Variants in DIAPH3 observed in about 807,000 individuals in gnomAD.
The protein encoded by DIAPH3 is protein diaphanous homolog 3.
A neutral mutation model predicts 144.3 loss-of-function variants in DIAPH3; 117 were observed. The ratio of observed to expected loss-of-function variants is 0.81; its 90% CI spans 0.70 to 0.95. The LOEUF (loss-of-function observed/expected upper bound fraction) is 0.95. DIAPH3 is among the 40% of genes least tolerant of loss of function. The probability of loss-of-function intolerance (pLI) is 0.00; values close to 1 mark genes in which losing one functional copy is unlikely to be tolerated. For synonymous variants in DIAPH3, 519 were observed against 488.9 expected (o/e 1.06, Z -0.81); for missense variants, 1,421 against 1,412.7 (o/e 1.01, Z -0.09).
intron 9 of DIAPH3, among the ~76,000 whole-genome samples, chr13:60,007,658 T>C (rs2140930811): frequency 6.6e-6 from 1 of 152,260 alleles, no homozygotes; most frequent in South Asian, 2.1e-4. Flanking sequence ...AATCAGGTAT[T>C]AGTATTTTTT....
At chr13:59,944,487 T>C (rs541924896) in intron 17 of DIAPH3, among the ~76,000 whole-genome samples, 1 of 152,200 alleles carries the variant, frequency 6.6e-6, no homozygotes, top group South Asian at 2.1e-4. Context: ...GACTAAAATA[T>C]AGATGAATCC....
intron 21 of DIAPH3, among the ~76,000 whole-genome samples, chr13:59,876,645 G>C (rs1009369871): frequency 1.3e-5 from 2 of 152,078 alleles, no homozygotes; most frequent in African/African-American, 2.4e-5. Context: ...ACTGCAGTAG[G>C]CTATCCTACC....
At chr13:60,069,644 G>T (rs1489702913) in intron 4 of DIAPH3, among the ~76,000 whole-genome samples, 3 of 152,038 alleles carry the variant, frequency 2.0e-5, no homozygotes, top group Non-Finnish European at 4.4e-5. Context: ...ATCTTGAGTT[G>T]ATTTTTGTAT....
intron 17 of DIAPH3, among the ~76,000 whole-genome samples, chr13:59,966,603 G>A (rs1480150492): frequency 6.6e-6 from 1 of 152,084 alleles, no homozygotes; most frequent in Non-Finnish European, 1.5e-5. Context: ...AAAACCTAAA[G>A]TAGTGTCTAC....
chr13:59,769,395 TTCATTAC>T (rs2038010870), intron 27 of DIAPH3, among the ~76,000 whole-genome samples: 1 of 152,152 alleles, frequency 6.6e-6, no homozygotes, highest in South Asian at 2.1e-4. Context: ...TCTCCTTCAC[TTCATTAC>T]TCACCTGACT....
At chr13:60,126,011 T>C (rs1310458612) in intron 2 of DIAPH3, among the ~76,000 whole-genome samples, 1 of 152,198 alleles carries the variant, frequency 6.6e-6, no homozygotes, top group Non-Finnish European at 1.5e-5. Context: ...GCTTCTAGAA[T>C]AGATGAGACA....
chr13:59,938,801 A>T (rs2048381285), intron 17 of DIAPH3, among the ~76,000 whole-genome samples: 2 of 152,132 alleles, frequency 1.3e-5, no homozygotes, highest in Non-Finnish European at 2.9e-5. Context: ...TCTTCCTGAG[A>T]GAGTAGAGAA....
intron 19 of DIAPH3, among the ~76,000 whole-genome samples, chr13:59,915,710 C>T (rs866544984): frequency 4.6e-5 from 7 of 152,054 alleles, no homozygotes; most frequent in Non-Finnish European, 7.4e-5. Flanking sequence ...ATCTCTAATA[C>T]TCATAGGAGC....
chr13:59,982,893 A>T (rs1288503801), intron 13 of DIAPH3, among the ~76,000 whole-genome samples: 1 of 151,590 alleles, frequency 6.6e-6, no homozygotes, highest in African/African-American at 2.4e-5. Flanking sequence ...ATAGGTTAAT[A>T]ACACCAGTGA....
At chr13:60,062,222 T>G (rs1488507761) in intron 4 of DIAPH3, among the ~76,000 whole-genome samples, 1 of 152,196 alleles carries the variant, frequency 6.6e-6, no homozygotes, top group Admixed American at 6.5e-5. Flanking sequence ...TAAAAAATTT[T>G]TGTAATCCTT....
In DIAPH3 at chr13:60,163,622, C is replaced by T; in HGVS notation, c.145G>A (p.Gly49Ser). The part of the protein sequence containing the change: ...KGPQHPPPPS[G>S]PEEPGEKRPK... ...CGCTTCTCCCCAGGCTCCTCGGGGC[C>T]ACTGGGCGGCGGAGGGTGTTGGGGG... Residue 49 changes from glycine (G) to serine (S), a missense_variant, in exon 1 of 28, where the codon GGC becomes AGC. Gly to Ser is a moderately conservative substitution (Grantham distance 56). Transcript: ENST00000400324. 6.2e-7 allele frequency: 1 copy of T among 1,605,036 alleles called. No homozygotes were observed. The highest frequency in any genetic ancestry group is 8.5e-7 in the Non-Finnish European group (1 of 1,173,558).
At chr13:60,001,913 C>T (rs1467278686) in intron 9 of DIAPH3, among the ~76,000 whole-genome samples, 1 of 152,186 alleles carries the variant, frequency 6.6e-6, no homozygotes, top group African/African-American at 2.4e-5. Context: ...GGTAAAAAAT[C>T]TGTGCCTGAT....
intron 5 of DIAPH3, among the ~76,000 whole-genome samples, chr13:60,023,288 T>A (rs1294611486): frequency 6.6e-6 from 1 of 152,202 alleles, no homozygotes; most frequent in Non-Finnish European, 1.5e-5. Flanking sequence ...ATCTAGTTCA[T>A]CTAAGTTGTT....
chr13:59,739,803 A>G lies in DIAPH3; in HGVS notation c.3319+34386T>C, dbSNP rs75943788. 3.9e-5 allele frequency among the ~76,000 whole-genome samples: 6 copies of G among 152,228 alleles called. No individual in the cohort carries two copies. In the East Asian group the frequency reaches 9.7e-4, roughly 24 times the overall value. Reference sequence around the variant, plus strand: ...TGGAGGACCCTGAAAAATACACAAGAGTATAAAGTCAACCCTCTGAATCCA... The same window carrying G: ...TGGAGGACCCTGAAAAATACACAAGGGTATAAAGTCAACCCTCTGAATCCA... On this transcript the variant is annotated intron_variant, in intron 27 of 27. Transcript: ENST00000400324.
chr13:59,836,529 T>G (rs341512), intron 23 of DIAPH3, among the ~76,000 whole-genome samples: 95,465 of 151,430 alleles, frequency 0.63, 30,399 homozygotes, highest in East Asian at 0.7. Flanking sequence ...TGCACTAAAT[T>G]CAATTTTTTA....
At chr13:60,128,711 T>C (rs1445767531) in intron 2 of DIAPH3, among the ~76,000 whole-genome samples, 1 of 152,050 alleles carries the variant, frequency 6.6e-6, no homozygotes, top group Admixed American at 6.5e-5. Flanking sequence ...AGGCCAATGT[T>C]TGGTTTTCTA....
chr13:60,070,386 A>G (rs1170379773), intron 4 of DIAPH3, among the ~76,000 whole-genome samples: 2 of 151,516 alleles, frequency 1.3e-5, no homozygotes, highest in Non-Finnish European at 2.9e-5. Flanking sequence ...ATTTCTTACC[A>G]GATCTATTAT....
At chr13:60,106,531 A>G (rs1487643767) in intron 3 of DIAPH3, among the ~76,000 whole-genome samples, 3 of 152,176 alleles carry the variant, frequency 2.0e-5, no homozygotes, top group Non-Finnish European at 4.4e-5. Context: ...TCTGACCACA[A>G]TTTTACATTT....
At chr13:59,967,045 G>C (rs1566584240) in intron 17 of DIAPH3, among the ~76,000 whole-genome samples, 3 of 151,864 alleles carry the variant, frequency 2.0e-5, no homozygotes, top group African/African-American at 7.2e-5. Flanking sequence ...TTGTTTGGGG[G>C]TTTGCCTGTT....
Sources: gnomAD v4.1 joint callset for allele counts (sites outside exome capture counted in the v4.1 genomes callset) on GRCh38, gnomAD v4.1.1 for gene constraint, MANE v1.5 for transcripts, NCBI Gene and HGNC (gene_info 2026-07-23, HGNC 2026-07-21) for gene names.